TMEM63B: variants seen among roughly 807,000 people sequenced by gnomAD.
TMEM63B encodes the protein mechanosensitive cation channel TMEM63B.
TMEM63B carries 23 observed loss-of-function variants against 102.6 expected under a neutral mutation model. That is an observed-to-expected ratio of 0.22 (90% CI 0.16 to 0.32). The LOEUF (loss-of-function observed/expected upper bound fraction) is 0.32, where lower values mean the gene tolerates loss of function less well. Among genes scored for constraint, TMEM63B ranks in the 10% least tolerant of loss-of-function variants. The probability of loss-of-function intolerance (pLI) is 1.00; values close to 1 mark genes in which losing one functional copy is unlikely to be tolerated. For missense variants in TMEM63B, 628 were observed against 1,095.9 expected (o/e 0.57, Z 6.03); for synonymous variants, 444 against 437.0 (o/e 1.02, Z -0.20).
chr6:44,154,728 G>A lies in TMEM63B; in HGVS notation c.2344G>A (p.Asp782Asn), dbSNP rs989417288. ...IAQVLQDSEVDGDGDGAPGSS... is the reference protein window; with the variant it reads ...IAQVLQDSEVNGDGDGAPGSS... ...TCAGGTGCTGCAGGACTCAGAGGTG[G>A]ACGGGGATGGGGATGGGGCTCCTGG... Residue 782 changes from aspartate (D) to asparagine (N), a missense_variant, in exon 24 of 24, where the codon GAC becomes AAC. Asp to Asn is a conservative substitution (Grantham distance 23, BLOSUM62 1). This residue lies in a region of TMEM63B where 129 missense variants were observed against 153.5 expected (regional missense o/e 0.84). Transcript: ENST00000323267. 6.3e-7 allele frequency: 1 copy of A among 1,582,118 alleles called. No individual in the cohort carries two copies. The highest frequency in any genetic ancestry group is 1.4e-5 in the African/African-American group (1 of 73,586).
intron 9 of TMEM63B, 39 bp downstream of exon 9, chr6:44,140,399 C>A: frequency 6.5e-7 from 1 of 1,540,764 alleles, no homozygotes; most frequent in Non-Finnish European, 9.0e-7. Flanking sequence ...CCATCCCCAG[C>A]CTCTTCCCTT....
intron 6 of TMEM63B, chr6:44,138,736 G>GGCCCCCCC (rs567563400): frequency 1.0e-4 from 29 of 288,578 alleles, no homozygotes; most frequent in South Asian, 3.8e-4. Context: ...CCCCCTGCCG[G>GGCCCCCCC]CCCCCCCGCT....
intron 18 of TMEM63B, among the ~76,000 whole-genome samples, chr6:44,151,016 TG>T (rs752379452): frequency 1.5e-4 from 23 of 152,176 alleles, no homozygotes; most frequent in Non-Finnish European, 2.1e-4. Context: ...AGGGAGGTCT[TG>T]GTGATACTTA....
In TMEM63B at chr6:44,150,309, A is replaced by C; in HGVS notation, c.1606A>C (p.Ser536Arg). The C allele has an allele frequency of 6.2e-7, 1 of 1,613,944 alleles. No homozygotes were observed. The highest frequency in any genetic ancestry group is 8.5e-7 in the Non-Finnish European group (1 of 1,179,908). The part of the protein sequence containing the change: ...VLLLPSLGLS[S>R]LDLFFRWLFD... The stretch of plus-strand genomic sequence containing the variant: ...GCTCCTACCCTCGCTGGGACTGAGC[A>C]GGTGAGTTGAGAAGGATGGGGCAGG... Residue 536 changes from serine to arginine, a missense_variant and splice_region_variant, in exon 17 of 24, where the codon AGC (serine) becomes CGC (arginine). This residue lies in a region of TMEM63B where 61 missense variants were observed against 176.0 expected (regional missense o/e 0.35). Transcript: ENST00000323267. The surrounding 1 kb of genome is among the most constrained non-coding windows in gnomAD (Gnocchi z 4.7).
chr6:44,152,949 T>TA lies in TMEM63B; in HGVS notation c.1942+252dup, dbSNP rs935684447. Among the ~76,000 whole-genome samples, 2 of 152,162 alleles carry TA rather than the reference T, an allele frequency of 1.3e-5. No individual in the cohort carries two copies. The highest frequency in any genetic ancestry group is 6.5e-5 in the Admixed American group (1 of 15,282). On this transcript the variant is annotated intron_variant, in intron 20 of 23. Transcript: ENST00000323267. This position sits in a 1 kb window ranked among gnomAD's most constrained non-coding sequence, Gnocchi z 6.4. ...AAAGTCACACCAACATGGCCATACT[T>TA]ACCCACACCTGTGCCTTCCCTCAGC...
intron 6 of TMEM63B, chr6:44,138,736 G>GCCCCCCGCCC: frequency 7.1e-6 from 2 of 280,538 alleles, no homozygotes; most frequent in Non-Finnish European, 1.4e-5. Context: ...CCCCCTGCCG[G>GCCCCCCGCCC]CCCCCCCGCT....
chr6:44,148,188 T>C lies in TMEM63B; in HGVS notation c.988-64T>C, dbSNP rs1015065224. The C allele has an allele frequency of 3.1e-6, 5 of 1,598,522 alleles. No homozygotes were observed. Among genetic ancestry groups the C allele is most frequent in the African/African-American group, 2.7e-5 (2 of 74,264 alleles). ...TAGGAAGCCCCAAGTCAGCGTGGGC[T>C]GGATGCTGCAGGCCCCAGCCTGGCT... On this transcript the variant is annotated intron_variant, in intron 12 of 23. Transcript: ENST00000323267. This position sits in a 1 kb window ranked among gnomAD's most constrained non-coding sequence, Gnocchi z 5.1.
intron 23 of TMEM63B, 78 bp from the exon 24 acceptor site, chr6:44,154,614 T>C: frequency 1.3e-6 from 2 of 1,488,390 alleles, no homozygotes; most frequent in Non-Finnish European, 1.8e-6. Flanking sequence ...CCCACTCTGC[T>C]GTCCTACATG....
chr6:44,147,637 A>C, intron 12 of TMEM63B, 137 bp downstream of exon 12: 1 of 1,276,428 alleles, frequency 7.8e-7, no homozygotes, highest in Non-Finnish European at 1.1e-6. Context: ...GGGTTTGTCT[A>C]ATGTCCCTAC....
At chr6:44,127,496 G>C (rs998871463), upstream of TMEM63B, 1 of 151,166 alleles carries the variant, frequency 6.6e-6, no homozygotes, top group Admixed American at 6.6e-5. Context: ...CCGGCGTGCG[G>C]GGCGGGACCT....
Position 44,138,512 on chromosome 6 carries a change from G to A in TMEM63B, c.402G>A (p.Arg134=), listed in dbSNP as rs1763465482. Reference sequence around the variant, plus strand: ...GTTCCTGGCTGACAGCCATCTTCAGGATAAAGTAAGTGGACCATCTTCAAG... The same window carrying A: ...GTTCCTGGCTGACAGCCATCTTCAGAATAAAGTAAGTGGACCATCTTCAAG... ...GFCSWLTAIF[R]IKDDEIRDKC... The change falls in exon 6 of 24, where the codon AGG becomes AGA. Residue 134 remains arginine, a synonymous_variant. Transcript: ENST00000323267. 1 of 1,613,874 alleles carries A rather than the reference G, an allele frequency of 6.2e-7. No individual in the cohort carries two copies.
chr6:44,130,639 C>T (rs780365647), intron 1 of TMEM63B, among the ~76,000 whole-genome samples: 6 of 151,156 alleles, frequency 4.0e-5, no homozygotes, highest in South Asian at 2.1e-4. Flanking sequence ...TTTGTAGAGA[C>T]GGGGTTTTGC....
chr6:44,148,460 C>G lies in TMEM63B; in HGVS notation c.1122-53C>G. On this transcript the variant is annotated intron_variant, in intron 13 of 23. Transcript: ENST00000323267. The surrounding 1 kb of genome is among the most constrained non-coding windows in gnomAD (Gnocchi z 5.1). The stretch of plus-strand genomic sequence containing the variant: ...TGACCCCTGTGCTCATGGCCTTCTG[C>G]CAGCAGTGTGGCCTCCAGGTGGGCC... 2 of 1,612,506 alleles carry G rather than the reference C, an allele frequency of 1.2e-6. No individual in the cohort carries two copies. The highest frequency in any genetic ancestry group is 2.2e-5 in the South Asian group (2 of 90,968).
At chr6:44,135,422 C>T in intron 4 of TMEM63B, 56 bp downstream of exon 4, 1 of 1,562,884 alleles carries the variant, frequency 6.4e-7, no homozygotes, top group East Asian at 2.3e-5. Flanking sequence ...CTTTTCTTCT[C>T]TCACGCTTCT....
chr6:44,138,719 T>G, intron 6 of TMEM63B: 5 of 357,032 alleles, frequency 1.4e-5, no homozygotes, highest in Non-Finnish European at 1.6e-5. Flanking sequence ...CATAATCTCC[T>G]CTGTGACCCC....
At chr6:44,147,560 C>T in intron 12 of TMEM63B, 60 bp downstream of exon 12, 1 of 1,588,224 alleles carries the variant, frequency 6.3e-7, no homozygotes, top group Non-Finnish European at 8.6e-7. Context: ...GCAGGCAAGG[C>T]TGGGGCCCTG....
At position 44,147,027 on chromosome 6, in the gene TMEM63B, A is replaced by G. The variant is rs538635760; in HGVS notation, c.863+100A>G. The G allele has an allele frequency of 1.6e-4, 211 of 1,319,972 alleles. 3 individuals are homozygous for G. In the Middle Eastern group the frequency reaches 2.9e-3, roughly 18 times the overall value. The allele number at this position is 1,319,972 out of a possible 1,614,324, so 81.8% of individuals were successfully genotyped here. Reference sequence around the variant, plus strand: ...AGGCTCCCCTTCTAGATTTTTTCCTAGGGCATTTGATTTTAATTCAACTCG... The same window carrying G: ...AGGCTCCCCTTCTAGATTTTTTCCTGGGGCATTTGATTTTAATTCAACTCG... On this transcript the variant is annotated intron_variant, in intron 11 of 23. Coordinates refer to ENST00000323267, the MANE Select transcript of TMEM63B (RefSeq NM_018426.3).
intron 5 of TMEM63B, among the ~76,000 whole-genome samples, chr6:44,137,144 A>G (rs4714753): frequency 0.45 from 69,118 of 152,186 alleles, 16,905 homozygotes; most frequent in East Asian, 0.76. Flanking sequence ...GCCCCTGGCC[A>G]TGTGGGGCCG....
chr6:44,127,132 G>A (rs979355263), upstream of TMEM63B: 56 of 143,062 alleles, frequency 3.9e-4, no homozygotes, highest in African/African-American at 1.4e-3. Flanking sequence ...CGGAAGGGAG[G>A]AGGATCCGGG....
Sources: allele counts gnomAD v4.1 joint callset (sites outside exome capture counted in the v4.1 genomes callset), GRCh38; gene constraint gnomAD v4.1.1; regional missense constraint gnomAD v4.1.1; non-coding constraint Gnocchi (gnomAD v3.1); transcripts MANE v1.5; gene names NCBI Gene and HGNC (gene_info 2026-07-23, HGNC 2026-07-21).